Variants in PALD1 observed in about 807,000 individuals in gnomAD.
PALD1 encodes paladin.
A neutral mutation model predicts 96.0 loss-of-function variants in PALD1; 57 were observed. The ratio of observed to expected loss-of-function variants is 0.59; its 90% CI spans 0.48 to 0.74. The LOEUF is 0.74. PALD1 is among the 30% of genes least tolerant of loss of function. The probability of loss-of-function intolerance (pLI) is 0.00; values close to 1 mark genes in which losing one functional copy is unlikely to be tolerated. For missense variants in PALD1, 1,063 were observed against 1,143.7 expected (o/e 0.93, Z 1.02); for synonymous variants, 464 against 473.6 (o/e 0.98, Z 0.26).
At chr10:70,471,980 G>A in the PALD1 span, among the ~76,000 whole-genome samples, 1 of 152,214 alleles carries the variant, frequency 6.6e-6, no homozygotes, top group African/African-American at 2.4e-5. Context: ...GCTTCACAGA[G>A]TCTGGGACCT....
Position 70,566,612 on chromosome 10 carries a change from T to C in PALD1, c.2450T>C (p.Leu817Pro). Residue 817 changes from leucine to proline, a missense_variant, in exon 20 of 20, where the codon CTT (leucine) becomes CCT (proline). Leu to Pro is a moderately conservative substitution (Grantham distance 98, BLOSUM62 -3). Transcript: ENST00000263563. Reference protein sequence around the residue: ...VASKAGIYEILNELGFPELES... With the variant: ...VASKAGIYEIPNELGFPELES... ...TCGAAGGCTGGCATCTACGAGATCC[T>C]TAACGAGCTGGGCTTCCCCGAGCTG... 6.2e-7 allele frequency: 1 copy of C among 1,611,452 alleles called. No individual in the cohort carries two copies.
intron 18 of PALD1, among the ~76,000 whole-genome samples, chr10:70,551,528 C>T (rs891142631): frequency 6.6e-6 from 1 of 152,126 alleles, no homozygotes; most frequent in African/African-American, 2.4e-5. Context: ...TTCCAAAATC[C>T]CAAGAGTCCA....
chr10:70,481,971 G>T (rs1002527996), intron 1 of PALD1, among the ~76,000 whole-genome samples: 6 of 152,186 alleles, frequency 3.9e-5, no homozygotes, highest in Non-Finnish European at 5.9e-5. Context: ...CTCCTTGTGG[G>T]TTCAGTGGGA....
intron 1 of PALD1, among the ~76,000 whole-genome samples, chr10:70,504,454 C>A (rs1176454389): frequency 6.6e-6 from 1 of 152,150 alleles, no homozygotes; most frequent in Non-Finnish European, 1.5e-5. Context: ...ACCTGGGAGG[C>A]GGAGGTTGCA....
At position 70,540,536 on chromosome 10, in the gene PALD1, G is replaced by C. The variant is rs73270898; in HGVS notation, c.1909-566G>C. ...TGGCGTGTGTTGTAGGTGAGCCACC[G>C]TGTGCGTGGTGCGTGTGTTGTAGGT... is the stretch of plus-strand genomic sequence containing the variant. On this transcript the variant is annotated intron_variant, in intron 15 of 19. Coordinates refer to ENST00000263563, the MANE Select transcript of PALD1 (RefSeq NM_014431.3). The surrounding 1 kb of genome is among the most constrained non-coding windows in gnomAD (Gnocchi z 4.2). Among the ~76,000 whole-genome samples the C allele has an allele frequency of 6.6e-6, 1 of 151,962 alleles. No homozygotes were observed. The highest frequency in any genetic ancestry group is 1.5e-5 in the Non-Finnish European group (1 of 67,946).
intron 18 of PALD1, among the ~76,000 whole-genome samples, chr10:70,552,840 T>G (rs1847508316): frequency 6.6e-6 from 1 of 152,228 alleles, no homozygotes; most frequent in Non-Finnish European, 1.5e-5. Context: ...ATCCACATGT[T>G]GCATTTGGTT....
chr10:70,527,361 G>C (rs1846889548), intron 2 of PALD1, among the ~76,000 whole-genome samples: 1 of 152,312 alleles, frequency 6.6e-6, no homozygotes, highest in Admixed American at 6.5e-5. Flanking sequence ...ACTTTTTGGG[G>C]GTGTAGAATG....
At chr10:70,532,061 G>A (rs1290161223) in intron 5 of PALD1, among the ~76,000 whole-genome samples, 2 of 152,058 alleles carry the variant, frequency 1.3e-5, no homozygotes, top group Non-Finnish European at 2.9e-5. Flanking sequence ...CAAGGCTGCA[G>A]TTCAACGCTT....
Position 70,539,760 on chromosome 10 carries a change from G to A in PALD1, c.1906G>A (p.Glu636Lys), listed in dbSNP as rs1270939655. The A allele has an allele frequency of 6.2e-7, 1 of 1,609,134 alleles. No individual in the cohort carries two copies. The highest frequency in any genetic ancestry group is 1.1e-5 in the South Asian group (1 of 90,848). ...GCCGGACTTCTGTGCCCCCCGAGAGGAGGTGAGGGTGCTGCTCAGGCTGAG... is the reference window on the plus strand; with the variant it reads ...GCCGGACTTCTGTGCCCCCCGAGAGAAGGTGAGGGTGCTGCTCAGGCTGAG... ...PMPDFCAPRE[E>K]DFDQLLEALR... The change falls in exon 15 of 20, where the codon GAG (glutamate) becomes AAG (lysine). Residue 636 changes from glutamate (E) to lysine (K), a missense_variant and splice_region_variant. Coordinates refer to ENST00000263563, the MANE Select transcript of PALD1 (RefSeq NM_014431.3). The surrounding 1 kb of genome is among the most constrained non-coding windows in gnomAD (Gnocchi z 4.5).
chr10:70,482,917 A>C (rs1244991650), intron 1 of PALD1, among the ~76,000 whole-genome samples: 1 of 152,182 alleles, frequency 6.6e-6, no homozygotes, highest in African/African-American at 2.4e-5. Flanking sequence ...TTATTCTCTC[A>C]GCAGAGGCCA....
chr10:70,547,973 TC>T (rs1341665649), intron 18 of PALD1, among the ~76,000 whole-genome samples: 1 of 152,102 alleles, frequency 6.6e-6, no homozygotes, highest in Non-Finnish European at 1.5e-5. Context: ...GTGTTTTTTA[TC>T]TGTAAAAATT....
intron 1 of PALD1, among the ~76,000 whole-genome samples, chr10:70,492,315 G>T (rs1447530471): frequency 6.6e-6 from 1 of 152,026 alleles, no homozygotes; most frequent in African/African-American, 2.4e-5. Context: ...GTATAACTCC[G>T]TGGTAAGTCA....
At chr10:70,547,576 T>C (rs1847395874) in intron 18 of PALD1, 130 bp downstream of exon 18, 1 of 622,320 alleles carries the variant, frequency 1.6e-6, no homozygotes, top group Non-Finnish European at 2.8e-6. Context: ...CGTGGTCACT[T>C]TTCCACCTTC....
chr10:70,501,841 G>GTGCA (rs1215554670), intron 1 of PALD1, among the ~76,000 whole-genome samples: 11 of 151,996 alleles, frequency 7.2e-5, no homozygotes, highest in African/African-American at 2.4e-4. Context: ...GTGTGCGTGC[G>GTGCA]TGCATGCATA....
At chr10:70,513,038 G>A (rs540108336) in intron 1 of PALD1, among the ~76,000 whole-genome samples, 11 of 152,220 alleles carry the variant, frequency 7.2e-5, no homozygotes, top group African/African-American at 9.6e-5. Flanking sequence ...GCCACAAGCC[G>A]TCTCCCTCCA....
intron 1 of PALD1, among the ~76,000 whole-genome samples, chr10:70,495,842 CAAA>C (rs58815668): frequency 4.6e-5 from 4 of 86,704 alleles, no homozygotes; most frequent in Non-Finnish European, 5.2e-5. Flanking sequence ...CTTGTCTCTA[CAAA>C]AAAAAAAAAA....
chr10:70,558,765 T>C (rs967435806), intron 18 of PALD1, among the ~76,000 whole-genome samples: 3 of 151,918 alleles, frequency 2.0e-5, no homozygotes, highest in Non-Finnish European at 4.4e-5. Flanking sequence ...ATGTAAAAGG[T>C]AAAGAAAGGC....
Position 70,547,332 on chromosome 10 carries a change from A to G in PALD1, c.2148A>G (p.Leu716=). The change falls in exon 18 of 20, where the codon CTA becomes CTG. Residue 716 remains leucine (L), a synonymous_variant. Transcript: ENST00000263563. ...TAGTAATGAAGGTGGTGCAGCTGCT[A>G]CCCGATGGGCACCGTGTGAAGAAGG... ...FQVVMKVVQL[L]PDGHRVKKEV... 6.2e-7 allele frequency: 1 copy of G among 1,613,492 alleles called. No homozygotes were observed. Among genetic ancestry groups the G allele is most frequent in the Non-Finnish European group, 8.5e-7 (1 of 1,179,600 alleles).
the PALD1 span, among the ~76,000 whole-genome samples, chr10:70,466,419 A>AT: frequency 1.3e-5 from 2 of 151,866 alleles, no homozygotes; most frequent in East Asian, 3.9e-4. Context: ...TAATTTTTGT[A>AT]TTTTTAGTAG....
Sources: gnomAD v4.1 joint callset for allele counts (sites outside exome capture counted in the v4.1 genomes callset) on GRCh38, gnomAD v4.1.1 for gene constraint, Gnocchi (gnomAD v3.1) non-coding constraint, MANE v1.5 for transcripts, NCBI Gene and HGNC (gene_info 2026-07-23, HGNC 2026-07-21) for gene names.